The following DYRK1A variants were observed in gnomAD, a reference collection of about 807,000 sequenced individuals.
DYRK1A encodes the protein dual specificity tyrosine-phosphorylation-regulated kinase 1A.
In DYRK1A, 9 loss-of-function variants were observed where a neutral mutation model predicts 79.7. The observed-to-expected ratio is 0.11, with a 90% CI of 0.07 to 0.20. DYRK1A has a LOEUF of 0.20. Ranked by LOEUF, DYRK1A falls within the 10% of genes least tolerant of loss-of-function variation. The probability of loss-of-function intolerance (pLI) is 1.00; values close to 1 mark genes in which losing one functional copy is unlikely to be tolerated. For synonymous variants in DYRK1A, 349 were observed against 329.7 expected, an observed-to-expected ratio of 1.06 and a Z score of -0.63; for missense variants, 622 against 956.0, an observed-to-expected ratio of 0.65 and a Z score of 4.61.
At chr21:37,409,699 T>C (rs1253523693) in intron 1 of DYRK1A, among the ~76,000 whole-genome samples, 2 of 152,152 alleles carry the variant, frequency 1.3e-5, no homozygotes, top group Non-Finnish European at 2.9e-5. Context: ...TAGTAATTAC[T>C]CAGAATTTTA....
At chr21:37,372,884 T>C (rs2049460222) in intron 1 of DYRK1A, among the ~76,000 whole-genome samples, 1 of 152,184 alleles carries the variant, frequency 6.6e-6, no homozygotes, top group Non-Finnish European at 1.5e-5. Context: ...AGCAGGACCA[T>C]TTGTTTTTCT....
At chr21:37,429,564 C>T (rs930896443) in intron 2 of DYRK1A, among the ~76,000 whole-genome samples, 5 of 152,100 alleles carry the variant, frequency 3.3e-5, no homozygotes, top group South Asian at 2.1e-4. Context: ...CCAGATCTCG[C>T]GAGAACGTAC....
chr21:37,393,479 G>A (rs1026518823), intron 1 of DYRK1A, among the ~76,000 whole-genome samples: 4 of 152,124 alleles, frequency 2.6e-5, no homozygotes, highest in African/African-American at 9.7e-5. Context: ...TAACCATCTG[G>A]TAGGAGTTTT....
At chr21:37,493,937 T>C (rs980415361) in intron 8 of DYRK1A, among the ~76,000 whole-genome samples, 92 of 142,464 alleles carry the variant, frequency 6.5e-4, no homozygotes, top group African/African-American at 2.1e-3. Flanking sequence ...ATTCTTCTTT[T>C]TTTTTTTTTT....
rs757744117 is a variant in DYRK1A at position 37,514,500 on chromosome 21, A to G, written c.*1969A>G. 6.6e-5 allele frequency: 10 copies of G among 152,652 alleles called. No homozygotes were observed. The highest frequency in any genetic ancestry group is 1.7e-4 in the African/African-American group (7 of 41,458). 9.5% of individuals were successfully genotyped at this position (152,652 alleles called of 1,614,324 possible). The stretch of plus-strand genomic sequence containing the variant: ...ACACCGCGTTTCATTCTATTGGTCA[A>G]TTCCATGTGGCTGACTAGGTCAATT... On this transcript the variant is annotated 3_prime_UTR_variant, in exon 12 of 12. Transcript: ENST00000647188.
At chr21:37,472,030 G>A (rs1164821218) in intron 2 of DYRK1A, among the ~76,000 whole-genome samples, 3 of 152,098 alleles carry the variant, frequency 2.0e-5, no homozygotes, top group African/African-American at 2.4e-5. Context: ...CATCCTACCC[G>A]TAGGATAATT....
intron 2 of DYRK1A, among the ~76,000 whole-genome samples, chr21:37,430,628 T>G (rs1486474963): frequency 1.3e-5 from 2 of 152,198 alleles, no homozygotes; most frequent in Admixed American, 6.5e-5. Flanking sequence ...ACAGGCAGGC[T>G]TCAGTTTATT....
intron 1 of DYRK1A, among the ~76,000 whole-genome samples, chr21:37,374,773 T>G (rs2049503858): frequency 6.6e-6 from 1 of 152,160 alleles, no homozygotes; most frequent in South Asian, 2.1e-4. Context: ...CAGGATGGTC[T>G]CAATCTCCTG....
chr21:37,467,805 T>C (rs993232720), intron 2 of DYRK1A, among the ~76,000 whole-genome samples: 64 of 152,108 alleles, frequency 4.2e-4, no homozygotes, highest in African/African-American at 1.5e-3. Flanking sequence ...ATTGAGAATA[T>C]GTGAGAGTAG....
At chr21:37,509,907 T>G (rs2053703059) in intron 11 of DYRK1A, among the ~76,000 whole-genome samples, 1 of 152,348 alleles carries the variant, frequency 6.6e-6, no homozygotes, top group East Asian at 1.9e-4. Flanking sequence ...AGTTTTAAAT[T>G]CTGTTATGAG....
In DYRK1A at chr21:37,517,753, G is replaced by T. The variant is rs2835777; in HGVS notation, c.*5222G>T. ...GAGTTGCTTAAAAGAGACCCTGGGA[G>T]GATGAATTTGGAATCATCATCCACT... On this transcript the variant is annotated 3_prime_UTR_variant, in exon 12 of 12. Transcript: ENST00000647188. 0.55 allele frequency: 84,033 copies of T among 151,858 alleles called. 23,968 individuals carry two copies. The highest frequency in any genetic ancestry group is 0.7 in the African/African-American group (28,911 of 41,400). The allele number at this position is 151,858 out of a possible 1,614,324, so 9.4% of individuals were successfully genotyped here.
chr21:37,386,180 T>C (rs887578549), intron 1 of DYRK1A, among the ~76,000 whole-genome samples: 1 of 152,158 alleles, frequency 6.6e-6, no homozygotes, highest in African/African-American at 2.4e-5. Context: ...CTGTATTCCT[T>C]CTATATTATG....
At chr21:37,417,860 G>T (rs2050387653) in intron 1 of DYRK1A, among the ~76,000 whole-genome samples, 1 of 152,116 alleles carries the variant, frequency 6.6e-6, no homozygotes, top group Admixed American at 6.6e-5. Flanking sequence ...TACTGTAGAA[G>T]ATTTGAGGGT....
chr21:37,444,521 C>T (rs2051205041), intron 2 of DYRK1A, among the ~76,000 whole-genome samples: 1 of 152,076 alleles, frequency 6.6e-6, no homozygotes, highest in Non-Finnish European at 1.5e-5. Context: ...TGCCTCTGTC[C>T]CCATGGACCT....
rs909561717 is a variant in DYRK1A at position 37,412,770 on chromosome 21, C to T, written c.-76-7529C>T. Among the ~76,000 whole-genome samples the T allele has an allele frequency of 1.8e-4, 27 of 151,670 alleles. 1 individual carries two copies. The highest frequency in any genetic ancestry group is 4.4e-5 in the Non-Finnish European group (3 of 68,000). On this transcript the variant is annotated intron_variant, in intron 1 of 11. Coordinates refer to ENST00000647188, the MANE Select transcript of DYRK1A (RefSeq NM_001347721.2). Reference sequence around the variant, plus strand: ...GGTGCGGGAATAGAGATGGGAAGTTCAAGTGGATAACATGTGGTGCAGGAA... The same window carrying T: ...GGTGCGGGAATAGAGATGGGAAGTTTAAGTGGATAACATGTGGTGCAGGAA...
Position 37,525,708 on chromosome 21 carries a change from T to G in DYRK1A, c.*13177T>G, listed in dbSNP as rs2053963526. On this transcript the variant is annotated 3_prime_UTR_variant, in exon 12 of 12. Transcript: ENST00000647188. Reference sequence around the variant, plus strand: ...TGCATTATTGAACCAGTATTGTCAATAGTGAACTTCCTTTAGCTCTTGTGG... The same window carrying G: ...TGCATTATTGAACCAGTATTGTCAAGAGTGAACTTCCTTTAGCTCTTGTGG... 6.6e-6 allele frequency: 1 copy of G among 152,250 alleles called. No homozygotes were observed. The highest frequency in any genetic ancestry group is 6.5e-5 in the Admixed American group (1 of 15,288). The allele number at this position is 152,250 out of a possible 1,614,324, so 9.4% of individuals were successfully genotyped here.
intron 1 of DYRK1A, among the ~76,000 whole-genome samples, chr21:37,409,263 T>G (rs2050201469): frequency 6.6e-6 from 1 of 152,122 alleles, no homozygotes; most frequent in Non-Finnish European, 1.5e-5. Context: ...GTGCACTGTT[T>G]TAAATGGTTT....
intron 2 of DYRK1A, 54 bp from the exon 3 acceptor site, chr21:37,472,630 A>G (rs926715780): frequency 2.9e-6 from 4 of 1,394,452 alleles, no homozygotes; most frequent in Non-Finnish European, 3.9e-6. Flanking sequence ...ATGTCAAATG[A>G]TACAAACATT....
chr21:37,377,116 T>C (rs2049560291), intron 1 of DYRK1A, among the ~76,000 whole-genome samples: 1 of 152,006 alleles, frequency 6.6e-6, no homozygotes, highest in African/African-American at 2.4e-5. Context: ...ACTTAAGCTT[T>C]TTATTTATTT....
Sources: gnomAD v4.1 joint callset for allele counts (sites outside exome capture counted in the v4.1 genomes callset) on GRCh38, gnomAD v4.1.1 for gene constraint, MANE v1.5 for transcripts, NCBI Gene and HGNC (gene_info 2026-07-23, HGNC 2026-07-21) for gene names.